The following TPSG1 variants were observed in gnomAD, a reference collection of about 807,000 sequenced individuals.
TPSG1 encodes tryptase gamma.
Under a neutral mutation model 23.8 loss-of-function variants are expected in TPSG1, and 43 were observed. The ratio of observed to expected loss-of-function variants is 1.81; its 90% CI spans 1.42 to 2.33. The LOEUF (loss-of-function observed/expected upper bound fraction) is 2.33, where lower values mean the gene tolerates loss of function less well. TPSG1 is among the 30% of genes most tolerant of loss of function. The pLI, the probability that TPSG1 is intolerant of heterozygous loss-of-function variation, is 0.00. For synonymous variants in TPSG1, 302 were observed against 201.3 expected, an observed-to-expected ratio of 1.50 and a Z score of -4.23; for missense variants, 623 against 438.6, an observed-to-expected ratio of 1.42 and a Z score of -3.75.
In TPSG1 at chr16:1,223,425, G is replaced by C. The variant is rs777408938; in HGVS notation, c.243C>G (p.Ser81=). Residue 81 remains serine (S), a splice_region_variant and synonymous_variant, in exon 3 of 6, where the codon TCC becomes TCG. Transcript: ENST00000234798. ...CCCCTGCCCACCCGGACACTCACCC[G>C]GAGAAGCAGTGGGCAGCTGTGAGCA... ...QWVLTAAHCF[S]GSLNSSDYQV... is the part of the protein sequence containing the mutation. 6.3e-7 allele frequency: 1 copy of C among 1,582,910 alleles called. No individual in the cohort carries two copies.
chr16:1,223,542 G>T lies in TPSG1; in HGVS notation c.126C>A (p.His42Gln). The T allele has an allele frequency of 6.5e-7, 1 of 1,548,648 alleles. No homozygotes were observed. ...ATGGCCATGCGCCGGCCGGGGCAGC[G>T]TGACCCCCCACGATCCGGCCGCCTG... is the stretch of plus-strand genomic sequence containing the variant. ...SDAGGRIVGG[H>Q]AAPAGAWPWQ... Residue 42 changes from histidine to glutamine, a missense_variant, in exon 3 of 6, where the codon CAC (histidine) becomes CAA (glutamine). Coordinates refer to ENST00000234798, the MANE Select transcript of TPSG1 (RefSeq NM_012467.4).
chr16:1,222,668 G>C lies in TPSG1; in HGVS notation c.495C>G (p.Gly165=). The C allele has an allele frequency of 6.4e-7, 1 of 1,570,578 alleles. No individual in the cohort carries two copies. Among genetic ancestry groups the C allele is most frequent in the African/African-American group, 1.3e-5 (1 of 74,376 alleles). ...GCTCCTCACCTCCCTCCCGCGTATA[G>C]CCCCAGCCGGTCACCCAGCACCGGA... The part of the protein sequence containing the change: ...PGIRCWVTGW[G]YTREGEPLPP... The change falls in exon 4 of 6, where the codon GGC becomes GGG. Residue 165 remains glycine (G), a synonymous_variant. Transcript: ENST00000234798.
At chr16:1,224,754 C>G in intron 1 of TPSG1, 126 bp from the exon 2 acceptor site, 1 of 1,219,878 alleles carries the variant, frequency 8.2e-7, no homozygotes, top group South Asian at 1.3e-5. Context: ...CAGAGGGGCC[C>G]GGCCTGGTGA....
At chr16:1,222,505 C>T (rs1404132963) in intron 4 of TPSG1, 147 bp downstream of exon 4, 13 of 1,307,184 alleles carry the variant, frequency 9.9e-6, no homozygotes, top group Non-Finnish European at 1.4e-5. Context: ...ACACGACAGG[C>T]TTTGAAAAGG....
rs899386471 is a variant in TPSG1, at chr16:1,222,936, G to A, written c.246-19C>T. On this transcript the variant is annotated intron_variant, in intron 3 of 5. Coordinates refer to ENST00000234798, the MANE Select transcript of TPSG1 (RefSeq NM_012467.4). ...CAGGGACCTGGGAGGGAAGGTGGCT[G>A]GGTGAGAGGGGCCAGCTGCGGAGGC... 10 of 1,582,410 alleles carry A rather than the reference G, an allele frequency of 6.3e-6. No individual in the cohort carries two copies. The highest frequency in any genetic ancestry group is 6.9e-6 in the Non-Finnish European group (8 of 1,160,410).
chr16:1,223,554 G>T lies in TPSG1; in HGVS notation c.114C>A (p.Ile38=), dbSNP rs767100763. Residue 38 remains isoleucine, a synonymous_variant, in exon 3 of 6, where the codon ATC becomes ATA. Coordinates refer to ENST00000234798, the MANE Select transcript of TPSG1 (RefSeq NM_012467.4). ...CGGCCGGGGCAGCGTGACCCCCCACGATCCGGCCGCCTGCATCCGAAACCT... is the reference window on the plus strand; with the variant it reads ...CGGCCGGGGCAGCGTGACCCCCCACTATCCGGCCGCCTGCATCCGAAACCT... ...RPQVSDAGGR[I]VGGHAAPAGA... is the part of the protein sequence containing the mutation. 4.5e-6 allele frequency: 7 copies of T among 1,545,864 alleles called. No homozygotes were observed. In the African/African-American group the frequency reaches 5.5e-5, roughly 12 times the overall value.
At position 1,224,608 on chromosome 16, in the gene TPSG1, G is replaced by T. The variant is rs1250704711; in HGVS notation, c.67C>A (p.Gln23Lys). The T allele has an allele frequency of 1.2e-6, 2 of 1,613,874 alleles. No individual in the cohort carries two copies. Among genetic ancestry groups the T allele is most frequent in the Non-Finnish European group, 1.7e-6 (2 of 1,179,896 alleles). ...ACACCTGTCAGAGACGTACCTGGCT[G>T]CAAAGTCCTGAGGGACACACCTGTG... is the stretch of plus-strand genomic sequence containing the variant. ...AVPGVSLRTL[Q>K]PGCGRPQVSD... The change falls in exon 2 of 6, where the codon CAG (glutamine) becomes AAG (lysine). Residue 23 changes from glutamine to lysine, a missense_variant. Coordinates refer to ENST00000234798, the MANE Select transcript of TPSG1 (RefSeq NM_012467.4).
chr16:1,222,363 T>C, intron 4 of TPSG1, 22 bp from the exon 5 acceptor site: 1 of 1,560,186 alleles, frequency 6.4e-7, no homozygotes, highest in South Asian at 1.2e-5. Flanking sequence ...GGAACAGGCT[T>C]CAGAGAAGGT....
intron 1 of TPSG1, 49 bp from the exon 2 acceptor site, chr16:1,224,677 G>A (rs2030052544): frequency 6.2e-7 from 1 of 1,612,510 alleles, no homozygotes; most frequent in Non-Finnish European, 8.5e-7. Context: ...CCAAGGAGAG[G>A]GGTGTGCGGG....
At position 1,222,845 on chromosome 16, in the gene TPSG1, G is replaced by T; in HGVS notation, c.318C>A (p.Thr106=). The T allele has an allele frequency of 6.2e-7, 1 of 1,611,334 alleles. No homozygotes were observed. The change falls in exon 4 of 6, where the codon ACC becomes ACA. Residue 106 remains threonine, a synonymous_variant. Coordinates refer to ENST00000234798, the MANE Select transcript of TPSG1 (RefSeq NM_012467.4). Reference sequence around the variant, plus strand: ...TGGAGTGCAGGATGATCTGCCTCACGGTGGAGAAGTGGGGAGACAGAGTGA... The same window carrying T: ...TGGAGTGCAGGATGATCTGCCTCACTGTGGAGAAGTGGGGAGACAGAGTGA... The part of the protein sequence containing the change: ...LEITLSPHFS[T]VRQIILHSSP...
rs759710516 is a variant in TPSG1, at chr16:1,222,387, C to G, written c.512-46G>C. The G allele has an allele frequency of 4.0e-6, 6 of 1,515,730 alleles. No homozygotes were observed. The Admixed American group carries it at 7.8e-5, about 20-fold the overall frequency. 93.9% of individuals were successfully genotyped at this position (1,515,730 alleles called of 1,614,324 possible). A position where few individuals can be genotyped will look rare whatever the true frequency, so the allele number is the denominator to read the frequency against. On this transcript the variant is annotated intron_variant, in intron 4 of 5. Coordinates refer to ENST00000234798, the MANE Select transcript of TPSG1 (RefSeq NM_012467.4). ...TTCAGAGAAGGTTGGGGCACCAGGCCCTGCACTGGGGGGATGGGAGACCTT... is the reference window on the plus strand; with the variant it reads ...TTCAGAGAAGGTTGGGGCACCAGGCGCTGCACTGGGGGGATGGGAGACCTT...
In TPSG1 at chr16:1,222,744, C is replaced by CG; in HGVS notation, c.418dup (p.Arg140ProfsTer13). 1 of 1,611,740 alleles carries CG rather than the reference C, an allele frequency of 6.2e-7. No individual in the cohort carries two copies. Among genetic ancestry groups the CG allele is most frequent in the Non-Finnish European group, 8.5e-7 (1 of 1,179,136 alleles). On this transcript the variant is annotated frameshift_variant, in exon 4 of 6. Transcript: ENST00000234798. LOFTEE classifies it high-confidence loss of function. ...CTCCGGGAGGCAGACGGGCAGGATC[C>CG]GGCTGGAGAGGGTCACGGGGACACT...
chr16:1,224,785 C>G (rs1230879531), intron 1 of TPSG1, 157 bp from the exon 2 acceptor site: 1 of 869,118 alleles, frequency 1.2e-6, no homozygotes, highest in African/African-American at 1.7e-5. Context: ...ACTGCTGTCT[C>G]ACTGGCCCAG....
Position 1,221,958 on chromosome 16 carries a change from G to C in TPSG1, c.796C>G (p.Arg266Gly). 6.2e-7 allele frequency: 1 copy of C among 1,612,106 alleles called. No homozygotes were observed. Among genetic ancestry groups the C allele is most frequent in the Non-Finnish European group, 8.5e-7 (1 of 1,179,492 alleles). ...TRVPAYVNWIRRHITASGGSE... is the reference protein window; with the variant it reads ...TRVPAYVNWIGRHITASGGSE... ...CCCCCTGATGCTGTGATGTGGCGGCGGATCCAGTTCACGTAGGCAGGGACA... is the reference window on the plus strand; with the variant it reads ...CCCCCTGATGCTGTGATGTGGCGGCCGATCCAGTTCACGTAGGCAGGGACA... Residue 266 changes from arginine to glycine, a missense_variant, in exon 6 of 6, where the codon CGC becomes GGC. By Grantham distance (125) the Arg-to-Gly change is moderately radical. Coordinates refer to ENST00000234798, the MANE Select transcript of TPSG1 (RefSeq NM_012467.4).
chr16:1,223,577 C>T lies in TPSG1; in HGVS notation c.91G>A (p.Val31Ile), dbSNP rs1473949274. 2 of 1,542,604 alleles carry T rather than the reference C, an allele frequency of 1.3e-6. No homozygotes were observed. The highest frequency in any genetic ancestry group is 1.2e-5 in the South Asian group (1 of 83,884). The change falls in exon 3 of 6, where the codon GTT becomes ATT. Residue 31 changes from valine to isoleucine, a missense_variant. By Grantham distance (29) the Val-to-Ile change is conservative. Transcript: ENST00000234798. Reference protein sequence around the residue: ...TLQPGCGRPQVSDAGGRIVGG... With the variant: ...TLQPGCGRPQISDAGGRIVGG... ...ACGATCCGGCCGCCTGCATCCGAAA[C>T]CTGCGGCCGGCCACACCCTAAGTCG...
At position 1,222,738 on chromosome 16, in the gene TPSG1, A is replaced by T; in HGVS notation, c.425T>A (p.Leu142Gln). 1 of 1,611,474 alleles carries T rather than the reference A, an allele frequency of 6.2e-7. No homozygotes were observed. Among genetic ancestry groups the T allele is most frequent in the Admixed American group, 1.7e-5 (1 of 60,000 alleles). ...TGAGGCCTCCGGGAGGCAGACGGGCAGGATCCGGCTGGAGAGGGTCACGGG... is the reference window on the plus strand; with the variant it reads ...TGAGGCCTCCGGGAGGCAGACGGGCTGGATCCGGCTGGAGAGGGTCACGGG... ...SVPVTLSSRI[L>Q]PVCLPEASDD... Residue 142 changes from leucine to glutamine, a missense_variant, in exon 4 of 6, where the codon CTG becomes CAG. By Grantham distance (113) the Leu-to-Gln change is moderately radical. Coordinates refer to ENST00000234798, the MANE Select transcript of TPSG1 (RefSeq NM_012467.4).
In TPSG1 at chr16:1,222,642, G is replaced by T. The variant is rs150720936; in HGVS notation, c.511+10C>A. On this transcript the variant is annotated intron_variant, in intron 4 of 5. Transcript: ENST00000234798. The stretch of plus-strand genomic sequence containing the variant: ...TCCTCCATCCCAGCATCCCCACGGG[G>T]GCTCCTCACCTCCCTCCCGCGTATA... 264 of 1,535,056 alleles carry T rather than the reference G, an allele frequency of 1.7e-4. 1 individual carries two copies. The East Asian group carries it at 5.1e-3, about 30-fold the overall frequency.
Position 1,222,712 on chromosome 16 carries a change from C to T in TPSG1, c.451G>A (p.Asp151Asn), listed in dbSNP as rs143955066. ...CACCGGATCCCAGGGCAGAAGTCAT[C>T]TGAGGCCTCCGGGAGGCAGACGGGC... is the stretch of plus-strand genomic sequence containing the variant. ...ILPVCLPEAS[D>N]DFCPGIRCWV... is the part of the protein sequence containing the mutation. The change falls in exon 4 of 6, where the codon GAT becomes AAT. Residue 151 changes from aspartate (D) to asparagine (N), a missense_variant. Transcript: ENST00000234798. 5.7e-5 allele frequency: 92 copies of T among 1,608,142 alleles called. No homozygotes were observed. In the African/African-American group the frequency reaches 9.2e-4, roughly 16 times the overall value.
intron 1 of TPSG1, 192 bp from the exon 2 acceptor site, chr16:1,224,820 C>A (rs906811375): frequency 1.5e-6 from 1 of 682,742 alleles, no homozygotes; most frequent in Non-Finnish European, 2.5e-6. Flanking sequence ...AGCCACAGGC[C>A]ATAAACGGCA....
Sources: allele counts gnomAD v4.1 joint callset, GRCh38; gene constraint gnomAD v4.1.1; transcripts MANE v1.5; gene names NCBI Gene and HGNC (gene_info 2026-07-23, HGNC 2026-07-21).